Variants in CYS1 observed in about 807,000 individuals in gnomAD.
The protein encoded by CYS1 is cystin 1.
Under a neutral mutation model 9.6 loss-of-function variants are expected in CYS1, and 5 were observed. The ratio of observed to expected loss-of-function variants is 0.52; its 90% CI spans 0.27 to 1.10. The LOEUF (loss-of-function observed/expected upper bound fraction) is 1.10. Among genes scored for constraint, CYS1 ranks in the 50% least tolerant of loss-of-function variants. The pLI is 0.11. For missense variants in CYS1, 221 were observed against 207.9 expected (o/e 1.06, Z -0.39); for synonymous variants, 88 against 95.7 (o/e 0.92, Z 0.47).
chr2:10,059,021 C>T, intron 2 of CYS1, 63 bp from the exon 3 acceptor site: 1 of 1,453,908 alleles, frequency 6.9e-7, no homozygotes. Flanking sequence ...ACTCATTTCC[C>T]CTGGCCACCA....
At chr2:10,078,380 C>T (rs1386584525) in intron 1 of CYS1, among the ~76,000 whole-genome samples, 7 of 152,208 alleles carry the variant, frequency 4.6e-5, no homozygotes, top group Admixed American at 4.6e-4. Flanking sequence ...TGTCACAATC[C>T]TTACCTTTCA....
At chr2:10,064,255 A>C (rs1661665832) in intron 2 of CYS1, among the ~76,000 whole-genome samples, 1 of 152,136 alleles carries the variant, frequency 6.6e-6, no homozygotes, top group Non-Finnish European at 1.5e-5. Context: ...AAAATAAATA[A>C]ATAAATAAGT....
chr2:10,065,545 C>T (rs1661684350), intron 2 of CYS1, among the ~76,000 whole-genome samples: 2 of 152,228 alleles, frequency 1.3e-5, no homozygotes, highest in African/African-American at 2.4e-5. Context: ...CCCTGGGCTG[C>T]GAGTTCCTTA....
chr2:10,080,281 G>T lies in CYS1; in HGVS notation c.-58C>A. 1 of 998,032 alleles carries T rather than the reference G, an allele frequency of 1.0e-6. No individual in the cohort carries two copies. The highest frequency in any genetic ancestry group is 1.2e-6 in the Non-Finnish European group (1 of 835,022). The allele number at this position is 998,032 out of a possible 1,614,324, so 61.8% of individuals were successfully genotyped here. A position where few individuals can be genotyped will look rare whatever the true frequency, so the allele number is the denominator to read the frequency against. On this transcript the variant is annotated 5_prime_UTR_variant, in exon 1 of 3. Coordinates refer to ENST00000381813, the MANE Select transcript of CYS1 (RefSeq NM_001037160.3). This position sits in a 1 kb window ranked among gnomAD's most constrained non-coding sequence, Gnocchi z 6.4. ...GGCCCCCATGAGGGGGCGCGGCCGG[G>T]GGCGGGGACGCTAGGGGGTGCGGCC...
intron 2 of CYS1, among the ~76,000 whole-genome samples, chr2:10,064,240 A>C (rs1192783609): frequency 6.6e-6 from 1 of 152,122 alleles, no homozygotes; most frequent in East Asian, 1.9e-4. Flanking sequence ...ATAAAAAATA[A>C]AATAAAAATA....
At chr2:10,066,510 C>T (rs187541700) in intron 1 of CYS1, among the ~76,000 whole-genome samples, 1 of 152,256 alleles carries the variant, frequency 6.6e-6, no homozygotes. Context: ...CAGGACGTGT[C>T]TACACAGCAT....
At chr2:10,059,248 C>T (rs1661593933) in intron 2 of CYS1, among the ~76,000 whole-genome samples, 2 of 152,278 alleles carry the variant, frequency 1.3e-5, no homozygotes, top group African/African-American at 4.8e-5. Context: ...AATCCCAGCT[C>T]TGCGGCTCAC....
At chr2:10,077,007 T>C (rs1001804739) in intron 1 of CYS1, among the ~76,000 whole-genome samples, 2 of 152,202 alleles carry the variant, frequency 1.3e-5, no homozygotes, top group African/African-American at 4.8e-5. Context: ...ACCCCAAACC[T>C]GCCCCTTCCA....
At chr2:10,060,591 C>T (rs1204166115) in intron 2 of CYS1, among the ~76,000 whole-genome samples, 4 of 152,248 alleles carry the variant, frequency 2.6e-5, no homozygotes, top group Non-Finnish European at 5.9e-5. Flanking sequence ...GCGGCCAGTG[C>T]GCAGAAACAG....
intron 1 of CYS1, among the ~76,000 whole-genome samples, chr2:10,073,869 T>C (rs1661808895): frequency 6.7e-6 from 1 of 149,652 alleles, no homozygotes; most frequent in Admixed American, 6.6e-5. Flanking sequence ...GGGCAGGAAA[T>C]GTGAGGCTGT....
chr2:10,061,607 C>T (rs1661627267), intron 2 of CYS1, among the ~76,000 whole-genome samples: 2 of 152,322 alleles, frequency 1.3e-5, no homozygotes, highest in South Asian at 4.1e-4. Context: ...CTGTCTCACT[C>T]AGCACCCGAC....
chr2:10,059,096 G>A, intron 2 of CYS1, 138 bp from the exon 3 acceptor site: 1 of 739,832 alleles, frequency 1.4e-6, no homozygotes, highest in South Asian at 1.7e-5. Flanking sequence ...ACACCCTGTG[G>A]CGCTCTCGCC....
At chr2:10,072,769 T>A (rs1661787690) in intron 1 of CYS1, among the ~76,000 whole-genome samples, 1 of 152,202 alleles carries the variant, frequency 6.6e-6, no homozygotes. Flanking sequence ...GGCACTGTTC[T>A]CCCCACACAG....
At chr2:10,077,850 C>CT (rs1349106754) in intron 1 of CYS1, among the ~76,000 whole-genome samples, 1 of 152,086 alleles carries the variant, frequency 6.6e-6, no homozygotes, top group Non-Finnish European at 1.5e-5. Flanking sequence ...TGGCTCATGC[C>CT]TATAATCCCA....
rs1404095332 is a variant in CYS1, at chr2:10,080,258, C to T, written c.-35G>A. On this transcript the variant is annotated 5_prime_UTR_variant, in exon 1 of 3. Transcript: ENST00000381813. This position sits in a 1 kb window ranked among gnomAD's most constrained non-coding sequence, Gnocchi z 6.4. ...GCCGCCTCCCGGACCGCCGAGGGGG[C>T]CCCCATGAGGGGGCGCGGCCGGGGG... is the stretch of plus-strand genomic sequence containing the variant. 3 of 1,033,160 alleles carry T rather than the reference C, an allele frequency of 2.9e-6. No homozygotes were observed. The highest frequency in any genetic ancestry group is 2.3e-6 in the Non-Finnish European group (2 of 863,450). 64.0% of individuals were successfully genotyped at this position (1,033,160 alleles called of 1,614,324 possible).
intron 1 of CYS1, among the ~76,000 whole-genome samples, chr2:10,074,645 A>G (rs1661818233): frequency 6.6e-6 from 1 of 152,246 alleles, no homozygotes; most frequent in South Asian, 2.1e-4. Flanking sequence ...AATTTTTAAA[A>G]TAAACATTTA....
At chr2:10,059,631 T>C (rs947955349) in intron 2 of CYS1, among the ~76,000 whole-genome samples, 7 of 152,076 alleles carry the variant, frequency 4.6e-5, no homozygotes, top group African/African-American at 1.7e-4. Flanking sequence ...GAAGTGGAGG[T>C]TGCAGTGAGC....
At chr2:10,061,356 C>T (rs1182450285) in intron 2 of CYS1, among the ~76,000 whole-genome samples, 1 of 152,246 alleles carries the variant, frequency 6.6e-6, no homozygotes, top group East Asian at 1.9e-4. Flanking sequence ...CTCCTGGGCT[C>T]ACCTCCCCTG....
At position 10,065,348 on chromosome 2, in the gene CYS1, C is replaced by A. The variant is rs376014032; in HGVS notation, c.371+556G>T. On this transcript the variant is annotated intron_variant, in intron 2 of 2. Coordinates refer to ENST00000381813, the MANE Select transcript of CYS1 (RefSeq NM_001037160.3). The stretch of plus-strand genomic sequence containing the variant: ...CCTTGCCACATTAGCTGGAGGTCAG[C>A]AAGCCAAGGGGGTGACCGGCCTGGG... 4.6e-5 allele frequency among the ~76,000 whole-genome samples: 7 copies of A among 152,244 alleles called. No individual in the cohort carries two copies. In the East Asian group the frequency reaches 9.6e-4, roughly 21 times the overall value.
Sources: gnomAD v4.1 joint callset for allele counts (sites outside exome capture counted in the v4.1 genomes callset) on GRCh38, gnomAD v4.1.1 for gene constraint, Gnocchi (gnomAD v3.1) non-coding constraint, MANE v1.5 for transcripts, NCBI Gene and HGNC (gene_info 2026-07-23, HGNC 2026-07-21) for gene names.